Variants in CDH20 observed in about 807,000 individuals in gnomAD.
The protein encoded by CDH20 is cadherin-20.
CDH20 carries 29 observed loss-of-function variants against 74.2 expected under a neutral mutation model. The observed-to-expected ratio is 0.39, with a 90% CI of 0.29 to 0.53. CDH20 has a LOEUF of 0.53. Among genes scored for constraint, CDH20 ranks in the 20% least tolerant of loss-of-function variants. CDH20 has a pLI of 0.69. For synonymous variants in CDH20, 469 were observed against 405.4 expected (o/e 1.16, Z -1.88); for missense variants, 988 against 1,048.3 (o/e 0.94, Z 0.79).
At chr18:61,422,724 CA>C (rs1207014882) in intron 1 of CDH20, among the ~76,000 whole-genome samples, 17 of 151,098 alleles carry the variant, frequency 1.1e-4, no homozygotes, top group African/African-American at 3.1e-4. Context: ...ATAAAGAGAA[CA>C]AAAAATACTT....
intron 1 of CDH20, among the ~76,000 whole-genome samples, chr18:61,487,078 T>C (rs1372500129): frequency 4.6e-5 from 7 of 152,228 alleles, no homozygotes; most frequent in Admixed American, 1.3e-4. Context: ...GTTTTCTTTC[T>C]TTAGGGAGGA....
chr18:61,358,215 C>T (rs547185117), intron 1 of CDH20, among the ~76,000 whole-genome samples: 12 of 151,014 alleles, frequency 7.9e-5, no homozygotes, highest in Admixed American at 1.3e-4. Context: ...CCTGGGTTCA[C>T]GCCATTCTCC....
At chr18:61,552,440 G>A (rs1304643172) in intron 11 of CDH20, among the ~76,000 whole-genome samples, 1 of 150,934 alleles carries the variant, frequency 6.6e-6, no homozygotes, top group Non-Finnish European at 1.5e-5. Context: ...TTTTTCAAAA[G>A]ACGGACTAGT....
intron 7 of CDH20, among the ~76,000 whole-genome samples, chr18:61,535,522 TAACAC>T (rs1912791838): frequency 6.6e-6 from 1 of 152,086 alleles, no homozygotes; most frequent in African/African-American, 2.4e-5. Flanking sequence ...ACAGGTGAGA[TAACAC>T]AACAGAATTG....
In CDH20 at chr18:61,555,681, C is replaced by A. The variant is rs992056363; in HGVS notation, c.*986C>A. 1.0e-6 allele frequency: 1 copy of A among 968,470 alleles called. No individual in the cohort carries two copies. Among genetic ancestry groups the A allele is most frequent in the African/African-American group, 1.8e-5 (1 of 56,884 alleles). The allele number at this position is 968,470 out of a possible 1,614,324, so 60.0% of individuals were successfully genotyped here. ...AATGGATGTAAGAAAATTACATGTA[C>A]AAGTTTTGTATATTTGTTAATAATT... On this transcript the variant is annotated 3_prime_UTR_variant, in exon 12 of 12. Transcript: ENST00000262717.
At chr18:61,384,976 G>A (rs1911546274) in intron 1 of CDH20, among the ~76,000 whole-genome samples, 1 of 151,976 alleles carries the variant, frequency 6.6e-6, no homozygotes, top group African/African-American at 2.4e-5. Context: ...CTAAGCTAAG[G>A]GGTTTAGATG....
rs199515445 is a variant in CDH20, at chr18:61,449,015, C to T, written c.-152-41387C>T. On this transcript the variant is annotated intron_variant, in intron 1 of 11. Transcript: ENST00000262717. ...ACCCGACTCCAGGTACTTACAGAAG[C>T]TACTGATGGCTTTCAACATCATTGC... Among the ~76,000 whole-genome samples, 7 of 152,192 alleles carry T rather than the reference C, an allele frequency of 4.6e-5. No individual in the cohort carries two copies. In the East Asian group the frequency reaches 1.3e-3, roughly 29 times the overall value.
intron 1 of CDH20, among the ~76,000 whole-genome samples, chr18:61,360,176 C>A (rs1468746570): frequency 2.0e-5 from 3 of 152,094 alleles, no homozygotes; most frequent in African/African-American, 7.2e-5. Context: ...GCCTGGAAAC[C>A]CACATTTAAC....
intron 1 of CDH20, among the ~76,000 whole-genome samples, chr18:61,470,328 A>T (rs1009534570): frequency 6.6e-6 from 1 of 152,216 alleles, no homozygotes; most frequent in Non-Finnish European, 1.5e-5. Context: ...CGTATTGTTA[A>T]TGGTCAAAAC....
chr18:61,446,425 C>G (rs535479636), intron 1 of CDH20, among the ~76,000 whole-genome samples: 1 of 152,282 alleles, frequency 6.6e-6, no homozygotes, highest in Non-Finnish European at 1.5e-5. Flanking sequence ...TGACCTTCTC[C>G]GCCAAGAACT....
In CDH20 at chr18:61,503,254, A is replaced by G. The variant is rs938405787; in HGVS notation, c.829+134A>G. The G allele has an allele frequency of 7.9e-5, 48 of 608,502 alleles. No homozygotes were observed. In the African/African-American group the frequency reaches 8.2e-4, roughly 10 times the overall value. The allele number at this position is 608,502 out of a possible 1,614,324, so 37.7% of individuals were successfully genotyped here. ...CATAGATTCCTTTCTTACATTCATC[A>G]TGCAATTCTCGCATAACTATTTGCC... On this transcript the variant is annotated intron_variant, in intron 5 of 11. Coordinates refer to ENST00000262717, the MANE Select transcript of CDH20 (RefSeq NM_031891.4).
Position 61,554,224 on chromosome 18 carries a change from C to G in CDH20, c.1935C>G (p.His645Gln). The change falls in exon 12 of 12, where the codon CAC (histidine) becomes CAG (glutamine). Residue 645 changes from histidine to glutamine, a missense_variant. Physicochemically the swap from His to Gln is conservative, Grantham distance 24 (BLOSUM62 0). Coordinates refer to ENST00000262717, the MANE Select transcript of CDH20 (RefSeq NM_031891.4). Reference sequence around the variant, plus strand: ...TGCTCATTTTGTCCATGAGGCGGCACCGGAAACAACCATACATCATCGACG... The same window carrying G: ...TGCTCATTTTGTCCATGAGGCGGCAGCGGAAACAACCATACATCATCGACG... ...LVLLILSMRR[H>Q]RKQPYIIDDE... is the part of the protein sequence containing the mutation. 2 of 1,613,158 alleles carry G rather than the reference C, an allele frequency of 1.2e-6. No homozygotes were observed. The highest frequency in any genetic ancestry group is 1.7e-6 in the Non-Finnish European group (2 of 1,179,312).
chr18:61,516,409 A>G (rs1912006297), intron 6 of CDH20, among the ~76,000 whole-genome samples: 1 of 152,250 alleles, frequency 6.6e-6, no homozygotes, highest in African/African-American at 2.4e-5. Context: ...TATTTGTAAT[A>G]CAAAAGAAAA....
chr18:61,519,361 G>T lies in CDH20; in HGVS notation c.1018-8606G>T, dbSNP rs571973850. Reference sequence around the variant, plus strand: ...TGAAATGAAGGAAAAAATGTTAAGGGCAGCCAGAGAGAAAGATGAGGTACC... The same window carrying T: ...TGAAATGAAGGAAAAAATGTTAAGGTCAGCCAGAGAGAAAGATGAGGTACC... On this transcript the variant is annotated intron_variant, in intron 6 of 11. Coordinates refer to ENST00000262717, the MANE Select transcript of CDH20 (RefSeq NM_031891.4). 3.3e-5 allele frequency among the ~76,000 whole-genome samples: 5 copies of T among 151,250 alleles called. No individual in the cohort carries two copies. The South Asian group carries it at 6.2e-4, about 19-fold the overall frequency.
rs1212613701 is a variant in CDH20, at chr18:61,507,493, A to G, written c.950A>G (p.Asp317Gly). The change falls in exon 6 of 12, where the codon GAT (aspartate) becomes GGT (glycine). Residue 317 changes from aspartate (D) to glycine (G), a missense_variant. Physicochemically the swap from Asp to Gly is moderately conservative, Grantham distance 94 (BLOSUM62 -1). Transcript: ENST00000262717. ...AEMKYTIVDG[D>G]GADAFDISTD... The stretch of plus-strand genomic sequence containing the variant: ...ATGAAATATACTATTGTGGATGGAG[A>G]TGGTGCAGATGCCTTTGACATTAGC... 2 of 1,613,948 alleles carry G rather than the reference A, an allele frequency of 1.2e-6. No individual in the cohort carries two copies. The highest frequency in any genetic ancestry group is 1.7e-6 in the Non-Finnish European group (2 of 1,179,960).
chr18:61,507,270 C>G, intron 5 of CDH20, 103 bp from the exon 6 acceptor site: 1 of 1,150,748 alleles, frequency 8.7e-7, no homozygotes, highest in Non-Finnish European at 1.3e-6. Flanking sequence ...TTTTTGAACC[C>G]AGAAAAAAAG....
At chr18:61,413,442 G>A (rs1390307691) in intron 1 of CDH20, among the ~76,000 whole-genome samples, 1 of 152,082 alleles carries the variant, frequency 6.6e-6, no homozygotes, top group African/African-American at 2.4e-5. Context: ...CAGCAGCAAT[G>A]GGAAGAAAAT....
Position 61,404,955 on chromosome 18 carries a change from G to T in CDH20, c.-153+71128G>T, listed in dbSNP as rs528074066. ...GCATACTCTGTAGTATTTTCCTCAT[G>T]CTGCGCCCAGTTCAATATTATTGCC... On this transcript the variant is annotated intron_variant, in intron 1 of 11. Coordinates refer to ENST00000262717, the MANE Select transcript of CDH20 (RefSeq NM_031891.4). The T allele has an allele frequency of 2.5e-4, 179 of 710,898 alleles. 2 individuals are homozygous for T. In the Middle Eastern group the frequency reaches 5.7e-3, roughly 23 times the overall value. 44.0% of individuals were successfully genotyped at this position (710,898 alleles called of 1,614,324 possible).
At chr18:61,428,691 C>T (rs146888018) in intron 1 of CDH20, among the ~76,000 whole-genome samples, 75 of 152,350 alleles carry the variant, frequency 4.9e-4, no homozygotes, top group African/African-American at 1.8e-3. Flanking sequence ...TGGGAAGACA[C>T]AGATGGACTC....
Sources: gnomAD v4.1 joint callset for allele counts (sites outside exome capture counted in the v4.1 genomes callset) on GRCh38, gnomAD v4.1.1 for gene constraint, MANE v1.5 for transcripts, NCBI Gene and HGNC (gene_info 2026-07-23, HGNC 2026-07-21) for gene names.